The following RXFP1 variants were observed in gnomAD, a reference collection of about 807,000 sequenced individuals.
RXFP1 encodes the protein relaxin receptor 1.
Under a neutral mutation model 89.8 loss-of-function variants are expected in RXFP1, and 73 were observed. The ratio of observed to expected loss-of-function variants is 0.81; its 90% confidence interval spans 0.67 to 0.99. The LOEUF is 0.99. Among genes scored for constraint, RXFP1 ranks in the 50% least tolerant of loss-of-function variants. The pLI is 0.00. For missense variants in RXFP1, 793 were observed against 895.5 expected, an observed-to-expected ratio of 0.89 and a Z score of 1.46; for synonymous variants, 277 against 305.5, an observed-to-expected ratio of 0.91 and a Z score of 0.97.
At chr4:158,576,825 A>C (rs936783838) in intron 2 of RXFP1, among the ~76,000 whole-genome samples, 16 of 152,224 alleles carry the variant, frequency 1.1e-4, no homozygotes, top group African/African-American at 3.9e-4. Flanking sequence ...TCCATGCAAA[A>C]ATAGACTGGA....
intron 1 of RXFP1, among the ~76,000 whole-genome samples, chr4:158,540,315 T>C (rs999069831): frequency 6.6e-6 from 1 of 152,106 alleles, no homozygotes; most frequent in Admixed American, 6.6e-5. Flanking sequence ...GGGCAGGCAA[T>C]TCCCAAAACT....
intron 9 of RXFP1, among the ~76,000 whole-genome samples, chr4:158,619,727 G>A (rs1765244213): frequency 6.6e-6 from 1 of 152,004 alleles, no homozygotes; most frequent in Admixed American, 6.6e-5. Flanking sequence ...CTTTGGGAGT[G>A]GGACAGAAAA....
At chr4:158,597,226 A>G (rs1274873101) in intron 3 of RXFP1, among the ~76,000 whole-genome samples, 1 of 152,208 alleles carries the variant, frequency 6.6e-6, no homozygotes, top group African/African-American at 2.4e-5. Context: ...AGCAAAGCTT[A>G]TAATCATTTT....
chr4:158,610,774 T>G, intron 6 of RXFP1: 4 of 1,174,912 alleles, frequency 3.4e-6, no homozygotes, highest in Non-Finnish European at 4.5e-6. Flanking sequence ...AGTCATTTCT[T>G]ACCCCTTACT....
chr4:158,527,564 A>AAAAAAAATATATATATATATAT (rs5741905), intron 1 of RXFP1, among the ~76,000 whole-genome samples: 11 of 98,326 alleles, frequency 1.1e-4, no homozygotes, highest in African/African-American at 3.5e-4. Flanking sequence ...AAAAAAAAAA[A>AAAAAAAATATATATATATATAT]ATATATATAT....
At chr4:158,593,286 T>A in intron 2 of RXFP1, 115 bp from the exon 3 acceptor site, 1 of 487,198 alleles carries the variant, frequency 2.1e-6, no homozygotes, top group Non-Finnish European at 3.5e-6. Context: ...ATAATGTTTA[T>A]CTCGCTACAT....
rs577074109 is a variant in RXFP1, at chr4:158,635,195, T to C, written c.971+1719T>C. Among the ~76,000 whole-genome samples the C allele has an allele frequency of 4.6e-5, 7 of 152,330 alleles. No homozygotes were observed. The South Asian group carries it at 1.4e-3, about 32-fold the overall frequency. Reference sequence around the variant, plus strand: ...TCCTTTCATTGGTGTCTTCCTTATTTTCTTTCAGCAATGTTTCGCAGTTGC... The same window carrying C: ...TCCTTTCATTGGTGTCTTCCTTATTCTCTTTCAGCAATGTTTCGCAGTTGC... On this transcript the variant is annotated intron_variant, in intron 12 of 17. Coordinates refer to ENST00000307765, the MANE Select transcript of RXFP1 (RefSeq NM_021634.4).
intron 1 of RXFP1, among the ~76,000 whole-genome samples, chr4:158,531,008 C>T (rs1223938654): frequency 3.3e-5 from 5 of 152,154 alleles, no homozygotes; most frequent in South Asian, 2.1e-4. Context: ...GAAAGCTCCA[C>T]GCCCTCTTCT....
At chr4:158,575,356 C>A (rs1755976534) in intron 2 of RXFP1, among the ~76,000 whole-genome samples, 1 of 152,042 alleles carries the variant, frequency 6.6e-6, no homozygotes, top group Non-Finnish European at 1.5e-5. Flanking sequence ...TTCTATAAAA[C>A]AGGAATAATA....
chr4:158,553,298 A>G (rs966310081), intron 1 of RXFP1, among the ~76,000 whole-genome samples: 3 of 152,248 alleles, frequency 2.0e-5, no homozygotes, highest in African/African-American at 7.2e-5. Flanking sequence ...AATTGAATCA[A>G]TAAAATATTT....
At chr4:158,631,779 G>C (rs1296213903) in intron 11 of RXFP1, among the ~76,000 whole-genome samples, 1 of 152,116 alleles carries the variant, frequency 6.6e-6, no homozygotes, top group Non-Finnish European at 1.5e-5. Context: ...ATAGTCAATG[G>C]CAAGACATTT....
At position 158,581,898 on chromosome 4, in the gene RXFP1, G is replaced by T. The variant is rs553606407; in HGVS notation, c.187+9063G>T. 5.9e-5 allele frequency among the ~76,000 whole-genome samples: 9 copies of T among 152,328 alleles called. No individual in the cohort carries two copies. In the East Asian group the frequency reaches 1.7e-3, roughly 29 times the overall value. ...TCAGCTTCTGATGAGGGCTCAGGCT[G>T]CTTCCACTCATGGCAGAAGGCAGAG... On this transcript the variant is annotated intron_variant, in intron 2 of 17. Coordinates refer to ENST00000307765, the MANE Select transcript of RXFP1 (RefSeq NM_021634.4).
intron 1 of RXFP1, among the ~76,000 whole-genome samples, chr4:158,547,235 G>A (rs1319375836): frequency 1.3e-5 from 2 of 152,062 alleles, no homozygotes; most frequent in Non-Finnish European, 2.9e-5. Flanking sequence ...GTTTATTTGT[G>A]TAGAGGTGTT....
intron 1 of RXFP1, among the ~76,000 whole-genome samples, chr4:158,524,310 AC>A (rs1445448167): frequency 6.6e-6 from 1 of 152,168 alleles, no homozygotes; most frequent in Non-Finnish European, 1.5e-5. Flanking sequence ...GGCTTTGAAA[AC>A]TATAAAGCCC....
chr4:158,604,394 G>T (rs956943737), intron 4 of RXFP1, among the ~76,000 whole-genome samples: 1 of 152,022 alleles, frequency 6.6e-6, no homozygotes, highest in Non-Finnish European at 1.5e-5. Context: ...ACTGGTTTTG[G>T]TTTTTTTATT....
intron 6 of RXFP1, 45 bp from the exon 7 acceptor site, chr4:158,612,085 C>T: frequency 2.8e-6 from 4 of 1,436,992 alleles, no homozygotes; most frequent in Non-Finnish European, 3.8e-6. Flanking sequence ...TATTGTAAGA[C>T]ATCAAAAATA....
chr4:158,567,229 T>C (rs1403188052), intron 1 of RXFP1, among the ~76,000 whole-genome samples: 1 of 152,036 alleles, frequency 6.6e-6, no homozygotes, highest in Admixed American at 6.5e-5. Context: ...CCGACGACCA[T>C]GGCCCCCTGC....
chr4:158,575,265 G>T (rs191599076), intron 2 of RXFP1, among the ~76,000 whole-genome samples: 262 of 152,262 alleles, frequency 1.7e-3, no homozygotes, highest in Non-Finnish European at 3.1e-3. Flanking sequence ...AGGCAATAGG[G>T]CATTGGGGTT....
chr4:158,650,692 T>C (rs993736366), intron 17 of RXFP1, among the ~76,000 whole-genome samples: 3 of 151,846 alleles, frequency 2.0e-5, no homozygotes, highest in African/African-American at 4.8e-5. Context: ...ATGCTTGAAC[T>C]TGGGAGGCAG....
Sources: allele counts gnomAD v4.1 joint callset (sites outside exome capture counted in the v4.1 genomes callset), GRCh38; gene constraint gnomAD v4.1.1; transcripts MANE v1.5; gene names NCBI Gene and HGNC (gene_info 2026-07-23, HGNC 2026-07-21).